LTBP2: variants seen among roughly 807,000 people sequenced by gnomAD.
LTBP2 encodes the protein latent transforming growth factor beta binding protein 2.
A neutral mutation model predicts 210.6 loss-of-function variants in LTBP2; 103 were observed. The ratio of observed to expected loss-of-function variants is 0.49; its 90% CI spans 0.42 to 0.58. The LOEUF (loss-of-function observed/expected upper bound fraction) is 0.58, where lower values mean the gene tolerates loss of function less well. Among genes scored for constraint, LTBP2 ranks in the 20% least tolerant of loss-of-function variants. LTBP2 has a pLI of 0.00. For missense variants in LTBP2, 2,313 were observed against 2,494.5 expected, an observed-to-expected ratio of 0.93 and a Z score of 1.55; for synonymous variants, 1,007 against 1,015.0, an observed-to-expected ratio of 0.99 and a Z score of 0.15.
chr14:74,536,136 T>C, intron 8 of LTBP2, 136 bp from the exon 9 acceptor site: 1 of 742,996 alleles, frequency 1.3e-6, no homozygotes. Flanking sequence ...GCCATCGCCC[T>C]GGGCAGCTGT....
chr14:74,509,116 T>TCTTGGGGAGCGGGATGATGGCAG (rs2087033894), intron 22 of LTBP2, 122 bp downstream of exon 22: 1 of 1,579,942 alleles, frequency 6.3e-7, no homozygotes, highest in Non-Finnish European at 8.7e-7. Flanking sequence ...TGTGAGCGAC[T>TCTTGGGGAGCGGGATGATGGCAG]CTTGGGGAGC....
chr14:74,552,049 C>A, intron 6 of LTBP2, 138 bp downstream of exon 6: 2 of 800,506 alleles, frequency 2.5e-6, no homozygotes, highest in Non-Finnish European at 2.1e-6. Flanking sequence ...GCGCTGAGGG[C>A]CAGGAGAAAG....
Position 74,508,663 on chromosome 14 carries a change from G to A in LTBP2, c.3593C>T (p.Ser1198Phe). The A allele has an allele frequency of 6.2e-7, 1 of 1,613,448 alleles. No individual in the cohort carries two copies. The highest frequency in any genetic ancestry group is 8.5e-7 in the Non-Finnish European group (1 of 1,179,996). ...GCCAGGCGCGCACAGACAGAAGAAAGACCCGTGGCTGTTGAGGCACTCGCC... is the reference window on the plus strand; with the variant it reads ...GCCAGGCGCGCACAGACAGAAGAAAAACCCGTGGCTGTTGAGGCACTCGCC... Reference protein sequence around the residue: ...PHGECLNSHGSFFCLCAPGFV... With the variant: ...PHGECLNSHGFFFCLCAPGFV... The change falls in exon 24 of 36, where the codon TCT (serine) becomes TTT (phenylalanine). Residue 1198 changes from serine (S) to phenylalanine (F), a missense_variant. Physicochemically the swap from Ser to Phe is radical, Grantham distance 155. Transcript: ENST00000261978.
intron 8 of LTBP2, among the ~76,000 whole-genome samples, chr14:74,547,869 C>G (rs2087597629): frequency 6.6e-6 from 1 of 152,120 alleles, no homozygotes; most frequent in Non-Finnish European, 1.5e-5. Context: ...GGAGCCCTGG[C>G]CCCACCTAAC....
intron 3 of LTBP2, among the ~76,000 whole-genome samples, chr14:74,572,706 G>A (rs571444124): frequency 1.3e-5 from 2 of 152,176 alleles, no homozygotes; most frequent in South Asian, 4.1e-4. Flanking sequence ...TATGACTTTT[G>A]AGACATGTTC....
At chr14:74,601,613 G>A (rs186822120) in intron 2 of LTBP2, among the ~76,000 whole-genome samples, 18 of 152,210 alleles carry the variant, frequency 1.2e-4, no homozygotes, top group Non-Finnish European at 2.6e-4. Context: ...TGCCTGAGCT[G>A]CATCTTCAAA....
chr14:74,598,263 A>G (rs1433901405), intron 2 of LTBP2, among the ~76,000 whole-genome samples: 1 of 152,200 alleles, frequency 6.6e-6, no homozygotes, highest in Non-Finnish European at 1.5e-5. Context: ...TCAGATCAGG[A>G]GAGACAGGGT....
chr14:74,553,149 T>A, intron 4 of LTBP2, 87 bp from the exon 5 acceptor site: 1 of 1,296,648 alleles, frequency 7.7e-7, no homozygotes, highest in Non-Finnish European at 1.1e-6. Flanking sequence ...CCCATGGGAC[T>A]AGGGCTGCAT....
intron 2 of LTBP2, among the ~76,000 whole-genome samples, chr14:74,600,072 G>T (rs1239638866): frequency 1.3e-5 from 2 of 152,188 alleles, no homozygotes; most frequent in Admixed American, 6.5e-5. Context: ...CACAGGGGTG[G>T]GGGAGAGCCA....
intron 6 of LTBP2, among the ~76,000 whole-genome samples, chr14:74,551,813 T>G (rs2087661324): frequency 6.6e-6 from 1 of 152,214 alleles, no homozygotes; most frequent in Non-Finnish European, 1.5e-5. Context: ...ATTCTGTATT[T>G]TTTTGGCACC....
chr14:74,508,617 G>GC lies in LTBP2; in HGVS notation c.3638dup (p.Thr1214HisfsTer32), dbSNP rs924495842. The GC allele has an allele frequency of 1.2e-6, 2 of 1,608,566 alleles. No individual in the cohort carries two copies. The highest frequency in any genetic ancestry group is 1.7e-5 in the Admixed American group (1 of 59,972). ...CTGGCTTCTCACCCTGGCAGCTGGT[G>GC]CCCCCCTCTGCGCTGACGAAGCCAG... is the stretch of plus-strand genomic sequence containing the variant. On this transcript the variant is annotated frameshift_variant, in exon 24 of 36. Coordinates refer to ENST00000261978, the MANE Select transcript of LTBP2 (RefSeq NM_000428.3). LOFTEE classifies it high-confidence loss of function.
intron 21 of LTBP2, 86 bp downstream of exon 21, chr14:74,509,648 C>T: frequency 6.3e-7 from 1 of 1,595,998 alleles, no homozygotes; most frequent in Non-Finnish European, 8.6e-7. Flanking sequence ...CGGCATCAGC[C>T]CCAAACTGGG....
At chr14:74,565,225 C>A (rs374361736) in intron 3 of LTBP2, among the ~76,000 whole-genome samples, 1 of 152,168 alleles carries the variant, frequency 6.6e-6, no homozygotes, top group Non-Finnish European at 1.5e-5. Context: ...AGCTCCAATG[C>A]GGGGTGGACA....
chr14:74,594,421 C>G (rs1258597967), intron 2 of LTBP2, among the ~76,000 whole-genome samples: 3 of 152,284 alleles, frequency 2.0e-5, no homozygotes, highest in South Asian at 2.1e-4. Flanking sequence ...CCCAGCCCCC[C>G]ATTCCTGAAG....
Position 74,532,472 on chromosome 14 carries a change from T to A in LTBP2, c.1941A>T (p.Thr647=), listed in dbSNP as rs1209744297. 1 of 1,614,084 alleles carries A rather than the reference T, an allele frequency of 6.2e-7. No homozygotes were observed. The highest frequency in any genetic ancestry group is 8.5e-7 in the Non-Finnish European group (1 of 1,180,046). Residue 647 remains threonine (T), a synonymous_variant, in exon 10 of 36, where the codon ACA becomes ACT. Transcript: ENST00000261978. ...GATCCAGCATGAGGCCAGGTCTGCATGTGCACAGGTAGCTGCCCCTGGTAT... is the reference window on the plus strand; with the variant it reads ...GATCCAGCATGAGGCCAGGTCTGCAAGTGCACAGGTAGCTGCCCCTGGTAT... The part of the protein sequence containing the change: ...CVNTRGSYLC[T]CRPGLMLDPS...
Position 74,586,238 on chromosome 14 carries a change from G to C in LTBP2, c.566-120C>G. 8.5e-7 allele frequency: 1 copy of C among 1,176,186 alleles called. No individual in the cohort carries two copies. The highest frequency in any genetic ancestry group is 1.2e-6 in the Non-Finnish European group (1 of 839,468). 72.9% of individuals were successfully genotyped at this position (1,176,186 alleles called of 1,614,324 possible). A position where few individuals can be genotyped will look rare whatever the true frequency, so the allele number is the denominator to read the frequency against. Reference sequence around the variant, plus strand: ...TGCAACCCTGTCGCTCAAGCAGGAAGCCACTCTCCTGGCCTCAGGGGGCTC... The same window carrying C: ...TGCAACCCTGTCGCTCAAGCAGGAACCCACTCTCCTGGCCTCAGGGGGCTC... On this transcript the variant is annotated intron_variant, in intron 2 of 35. Transcript: ENST00000261978. This position sits in a 1 kb window ranked among gnomAD's most constrained non-coding sequence, Gnocchi z 4.6.
chr14:74,509,063 C>T (rs189939559), intron 22 of LTBP2, 111 bp from the exon 23 acceptor site: 242 of 1,573,910 alleles, frequency 1.5e-4, no homozygotes, highest in African/African-American at 3.0e-4. Flanking sequence ...GCTGGACCCA[C>T]GGGGGATCAT....
intron 17 of LTBP2, among the ~76,000 whole-genome samples, chr14:74,518,942 C>A (rs941230266): frequency 6.6e-6 from 1 of 152,198 alleles, no homozygotes; most frequent in Non-Finnish European, 1.5e-5. Context: ...AACTCATTAT[C>A]CCCTGAGGTC....
intron 3 of LTBP2, among the ~76,000 whole-genome samples, chr14:74,584,105 T>C (rs934940408): frequency 2.6e-5 from 4 of 152,120 alleles, no homozygotes; most frequent in African/African-American, 9.7e-5. Context: ...GCAGGGGGGC[T>C]GTAGAGAAAT....
Sources: gnomAD v4.1 joint callset for allele counts (sites outside exome capture counted in the v4.1 genomes callset) on GRCh38, gnomAD v4.1.1 for gene constraint, Gnocchi (gnomAD v3.1) non-coding constraint, MANE v1.5 for transcripts, NCBI Gene and HGNC (gene_info 2026-07-23, HGNC 2026-07-21) for gene names.